The following LPP variants were observed in gnomAD, a reference collection of about 807,000 sequenced individuals.
The protein encoded by LPP is lipoma-preferred partner.
A neutral mutation model predicts 60.4 loss-of-function variants in LPP; 38 were observed. The observed-to-expected ratio is 0.63, with a 90% CI of 0.49 to 0.83. The LOEUF (loss-of-function observed/expected upper bound fraction) is 0.83. Among genes scored for constraint, LPP ranks in the 40% least tolerant of loss-of-function variants. The probability of loss-of-function intolerance (pLI) is 0.00; values close to 1 mark genes in which losing one functional copy is unlikely to be tolerated. For synonymous variants in LPP, 328 were observed against 290.8 expected (o/e 1.13, Z -1.30); for missense variants, 902 against 783.6 (o/e 1.15, Z -1.80).
At chr3:188,697,760 T>G (rs1224110345) in intron 7 of LPP, among the ~76,000 whole-genome samples, 1 of 152,200 alleles carries the variant, frequency 6.6e-6, no homozygotes, top group Non-Finnish European at 1.5e-5. Context: ...CTTGTTAACA[T>G]TTGGATATAT....
intron 9 of LPP, among the ~76,000 whole-genome samples, chr3:188,761,936 C>T (rs552104697): frequency 6.6e-6 from 1 of 152,284 alleles, no homozygotes; most frequent in South Asian, 2.1e-4. Context: ...GCCACGAGCC[C>T]TAAGGTAGTG....
chr3:188,634,872 A>G (rs1465469267), intron 7 of LPP, among the ~76,000 whole-genome samples: 1 of 152,178 alleles, frequency 6.6e-6, no homozygotes, highest in Non-Finnish European at 1.5e-5. Context: ...AAGTACTTGA[A>G]TCAACCTGAA....
chr3:188,722,625 T>A (rs991280134), intron 8 of LPP, among the ~76,000 whole-genome samples: 1 of 152,208 alleles, frequency 6.6e-6, no homozygotes, highest in Non-Finnish European at 1.5e-5. Context: ...AACATATCCA[T>A]GGACAAGTCA....
intron 3 of LPP, among the ~76,000 whole-genome samples, chr3:188,377,779 G>A (rs551851425): frequency 1.1e-4 from 16 of 152,204 alleles, no homozygotes; most frequent in South Asian, 2.1e-4. Context: ...GAGGAGTGGC[G>A]CTCTGATTTT....
At chr3:188,291,303 G>A (rs1745849817) in intron 2 of LPP, among the ~76,000 whole-genome samples, 1 of 152,112 alleles carries the variant, frequency 6.6e-6, no homozygotes, top group Non-Finnish European at 1.5e-5. Context: ...AATATAAACA[G>A]AAAGGCTAAA....
intron 7 of LPP, among the ~76,000 whole-genome samples, chr3:188,659,468 C>T (rs568867246): frequency 6.6e-6 from 1 of 152,182 alleles, no homozygotes; most frequent in Non-Finnish European, 1.5e-5. Flanking sequence ...TAGCTGCTAA[C>T]AAAGGAATCC....
chr3:188,819,655 G>A (rs1440015849), intron 9 of LPP, among the ~76,000 whole-genome samples: 1 of 152,126 alleles, frequency 6.6e-6, no homozygotes, highest in Admixed American at 6.5e-5. Context: ...GACAGATGGT[G>A]TTCGGTGGGA....
At chr3:188,369,950 A>G (rs763822753) in intron 3 of LPP, among the ~76,000 whole-genome samples, 1 of 152,130 alleles carries the variant, frequency 6.6e-6, no homozygotes, top group Non-Finnish European at 1.5e-5. Context: ...TTTATCTGAG[A>G]CAGAGTCTCT....
chr3:188,178,939 GTA>G (rs1723934166), intron 1 of LPP: 1 of 264,360 alleles, frequency 3.8e-6, no homozygotes, highest in African/African-American at 2.3e-5. Context: ...GGACATGCAG[GTA>G]TATTAGGCCA....
At chr3:188,311,134 A>G (rs1008297473) in intron 2 of LPP, among the ~76,000 whole-genome samples, 4 of 151,850 alleles carry the variant, frequency 2.6e-5, no homozygotes, top group African/African-American at 9.7e-5. Flanking sequence ...GGCCGGGTGC[A>G]GTGGCCCCAA....
intron 2 of LPP, among the ~76,000 whole-genome samples, chr3:188,272,691 A>G (rs1467666837): frequency 2.0e-5 from 3 of 152,208 alleles, no homozygotes; most frequent in Non-Finnish European, 4.4e-5. Context: ...ATAGTTTACA[A>G]GAAGATTTAG....
chr3:188,531,993 G>T (rs1822303289), intron 6 of LPP, among the ~76,000 whole-genome samples: 1 of 152,036 alleles, frequency 6.6e-6, no homozygotes, highest in Admixed American at 6.6e-5. Flanking sequence ...CTTAACCTGT[G>T]GGATCTGTAA....
intron 2 of LPP, among the ~76,000 whole-genome samples, chr3:188,333,926 G>A (rs1272058151): frequency 1.3e-5 from 2 of 152,114 alleles, no homozygotes; most frequent in Non-Finnish European, 2.9e-5. Flanking sequence ...ACAATAAATT[G>A]TTGGTAATTA....
chr3:188,665,162 T>G (rs1462459388), intron 7 of LPP, among the ~76,000 whole-genome samples: 3 of 152,202 alleles, frequency 2.0e-5, no homozygotes, highest in Non-Finnish European at 4.4e-5. Context: ...GCTGTTAGAC[T>G]TATCATTATA....
At chr3:188,317,169 G>A (rs962396935) in intron 2 of LPP, among the ~76,000 whole-genome samples, 17 of 151,848 alleles carry the variant, frequency 1.1e-4, no homozygotes, top group African/African-American at 3.1e-4. Flanking sequence ...GGACACCCAC[G>A]TTCTTTGCAA....
At chr3:188,334,555 C>G (rs1265556638) in intron 2 of LPP, among the ~76,000 whole-genome samples, 1 of 151,348 alleles carries the variant, frequency 6.6e-6, no homozygotes, top group Non-Finnish European at 1.5e-5. Flanking sequence ...CTCAGCCTCC[C>G]GAGTAGCTGG....
intron 9 of LPP, among the ~76,000 whole-genome samples, chr3:188,817,550 C>A (rs192679259): frequency 6.6e-6 from 1 of 152,186 alleles, no homozygotes; most frequent in Admixed American, 6.5e-5. Context: ...CCTTCTTGCT[C>A]CTGGCAATTT....
chr3:188,396,539 G>C (rs898798359), intron 3 of LPP, among the ~76,000 whole-genome samples: 1 of 152,176 alleles, frequency 6.6e-6, no homozygotes, highest in Non-Finnish European at 1.5e-5. Context: ...TTATTGGTAG[G>C]TTTAGAAATA....
At chr3:188,524,971 C>CTT (rs540192956) in intron 6 of LPP, among the ~76,000 whole-genome samples, 184 bp downstream of exon 6, 3,607 of 119,302 alleles carry the variant, frequency 0.03, 359 homozygotes, top group African/African-American at 0.094. Context: ...CTTTCTTTCT[C>CTT]TTTTTTTTTT....
Sources: allele counts gnomAD v4.1 joint callset (sites outside exome capture counted in the v4.1 genomes callset), GRCh38; gene constraint gnomAD v4.1.1; transcripts MANE v1.5; gene names NCBI Gene and HGNC (gene_info 2026-07-23, HGNC 2026-07-21).